The following SERGEF variants were observed in gnomAD, a reference collection of about 807,000 sequenced individuals.
The protein encoded by SERGEF is secretion regulating guanine nucleotide exchange factor.
SERGEF carries 51 observed loss-of-function variants against 50.0 expected under a neutral mutation model. The ratio of observed to expected loss-of-function variants is 1.02; its 90% confidence interval spans 0.81 to 1.29. The LOEUF (loss-of-function observed/expected upper bound fraction) is 1.29. Ranked by LOEUF, SERGEF falls within the 50% of genes most tolerant of loss-of-function variation. The pLI, the probability that SERGEF is intolerant of heterozygous loss-of-function variation, is 0.00. For missense variants in SERGEF, 521 were observed against 557.0 expected, an observed-to-expected ratio of 0.94 and a Z score of 0.65; for synonymous variants, 205 against 212.4, an observed-to-expected ratio of 0.97 and a Z score of 0.30.
intron 8 of SERGEF, among the ~76,000 whole-genome samples, chr11:17,972,328 C>T (rs1181811056): frequency 1.3e-5 from 2 of 152,186 alleles, no homozygotes; most frequent in Non-Finnish European, 2.9e-5. Flanking sequence ...ACTGATGTGG[C>T]AAATTTCACT....
chr11:17,837,326 C>T (rs1483514239), intron 10 of SERGEF, among the ~76,000 whole-genome samples: 1 of 151,816 alleles, frequency 6.6e-6, no homozygotes, highest in Non-Finnish European at 1.5e-5. Flanking sequence ...TCCCCTAAAC[C>T]TCATGTTGAA....
chr11:17,807,007 A>G (rs1371377445), intron 10 of SERGEF, among the ~76,000 whole-genome samples: 2 of 152,008 alleles, frequency 1.3e-5, no homozygotes, highest in African/African-American at 2.4e-5. Context: ...CTCTCCCCCA[A>G]CAGAAAAGCT....
rs111520247 is a variant in SERGEF at position 17,896,698 on chromosome 11, G to A, written c.1012-18454C>T. 1.5e-3 allele frequency among the ~76,000 whole-genome samples: 152 copies of A among 102,818 alleles called. 11 individuals are homozygous for A. In the East Asian group the frequency reaches 0.02, roughly 14 times the overall value. The allele number at this position is 102,818 out of a possible 152,430, so 67.5% of individuals were successfully genotyped here. The stretch of plus-strand genomic sequence containing the variant: ...AGGGAAGGGGAAGGGAAAGGGGAAG[G>A]GTAAGGGAAGGGTAAGGGAAGGGTA... On this transcript the variant is annotated intron_variant, in intron 9 of 10. Transcript: ENST00000265965.
intron 9 of SERGEF, among the ~76,000 whole-genome samples, chr11:17,916,646 G>A (rs1006378133): frequency 6.6e-6 from 1 of 152,170 alleles, no homozygotes; most frequent in Non-Finnish European, 1.5e-5. Context: ...ATATAAAGGT[G>A]TTAGCACAAT....
chr11:17,982,472 T>C (rs992789052), intron 8 of SERGEF, among the ~76,000 whole-genome samples: 2 of 152,210 alleles, frequency 1.3e-5, no homozygotes, highest in Non-Finnish European at 2.9e-5. Context: ...CTTTCACTCA[T>C]GGGGTTTTCA....
At chr11:17,912,276 A>C (rs1370635138) in intron 9 of SERGEF, among the ~76,000 whole-genome samples, 1 of 152,254 alleles carries the variant, frequency 6.6e-6, no homozygotes, top group Non-Finnish European at 1.5e-5. Flanking sequence ...AGAAAAGTCA[A>C]GGATAATGAT....
At chr11:17,996,147 T>G (rs1342771644) in intron 5 of SERGEF, among the ~76,000 whole-genome samples, 1 of 152,202 alleles carries the variant, frequency 6.6e-6, no homozygotes, top group East Asian at 1.9e-4. Context: ...CAATATCACA[T>G]AACTTCCTAC....
chr11:17,804,536 G>T (rs79018844), intron 10 of SERGEF, among the ~76,000 whole-genome samples: 1 of 149,576 alleles, frequency 6.7e-6, no homozygotes, highest in African/African-American at 2.5e-5. Flanking sequence ...CCTTCTTTAC[G>T]CCAAGTATTT....
chr11:17,982,242 T>C (rs919510638), intron 8 of SERGEF, among the ~76,000 whole-genome samples: 3 of 152,236 alleles, frequency 2.0e-5, no homozygotes, highest in African/African-American at 7.2e-5. Flanking sequence ...CTGAGAGTCA[T>C]GAGACTTGAT....
chr11:17,888,227 A>T lies in SERGEF; in HGVS notation c.1012-9983T>A, dbSNP rs1361549640. Among the ~76,000 whole-genome samples, 1 of 152,192 alleles carries T rather than the reference A, an allele frequency of 6.6e-6. No homozygotes were observed. The highest frequency in any genetic ancestry group is 2.1e-4 in the South Asian group (1 of 4,826). Reference sequence around the variant, plus strand: ...CTGCTGCTTTACAGCAGTGGGGGGAAATATTGATATTCACAACATAAGTAA... The same window carrying T: ...CTGCTGCTTTACAGCAGTGGGGGGATATATTGATATTCACAACATAAGTAA... On this transcript the variant is annotated intron_variant, in intron 9 of 10. Transcript: ENST00000265965. The surrounding 1 kb of genome is among the most constrained non-coding windows in gnomAD (Gnocchi z 4.1).
intron 10 of SERGEF, among the ~76,000 whole-genome samples, chr11:17,851,620 A>T (rs1850715806): frequency 6.6e-6 from 1 of 152,202 alleles, no homozygotes; most frequent in Non-Finnish European, 1.5e-5. Context: ...AGTCAGCCAT[A>T]CTAGAAACAT....
At chr11:17,972,625 T>A (rs1364915979) in intron 8 of SERGEF, among the ~76,000 whole-genome samples, 1 of 152,210 alleles carries the variant, frequency 6.6e-6, no homozygotes, top group East Asian at 1.9e-4. Flanking sequence ...AACAAAAAAA[T>A]TGTGTGACTC....
At chr11:17,843,855 G>A (rs568598207) in intron 10 of SERGEF, among the ~76,000 whole-genome samples, 7 of 152,270 alleles carry the variant, frequency 4.6e-5, no homozygotes, top group Admixed American at 3.3e-4. Context: ...GAGCAAGAGA[G>A]AAAGAAGGCA....
chr11:17,937,087 T>G (rs1852464672), intron 9 of SERGEF, among the ~76,000 whole-genome samples: 1 of 152,028 alleles, frequency 6.6e-6, no homozygotes, highest in Admixed American at 6.6e-5. Context: ...ACAATATTAT[T>G]TTTAAATGTT....
rs145617238 is a variant in SERGEF at position 17,871,631 on chromosome 11, G to A, written c.1048+6577C>T. Among the ~76,000 whole-genome samples the A allele has an allele frequency of 4.6e-3, 704 of 152,114 alleles. 24 individuals carry two copies. The highest frequency in any genetic ancestry group is 0.039 in the Admixed American group (598 of 15,270). ...CAATGGGCAAAGACTTAAAGTCTTC[G>A]GACTTAAGTCTTTGAATTTGACAAA... On this transcript the variant is annotated intron_variant, in intron 10 of 10. Coordinates refer to ENST00000265965, the MANE Select transcript of SERGEF (RefSeq NM_012139.4).
intron 8 of SERGEF, among the ~76,000 whole-genome samples, chr11:17,969,885 C>T (rs1461427741): frequency 6.6e-6 from 1 of 152,226 alleles, no homozygotes; most frequent in East Asian, 1.9e-4. Context: ...AATTCAGCCT[C>T]ATACACTATC....
intron 9 of SERGEF, among the ~76,000 whole-genome samples, chr11:17,902,450 A>G (rs187104505): frequency 6.9e-6 from 1 of 145,508 alleles, no homozygotes; most frequent in Non-Finnish European, 1.6e-5. Context: ...AGCATGTTCA[A>G]GAGAAAAAAT....
chr11:17,932,766 G>A (rs954840919), intron 9 of SERGEF, among the ~76,000 whole-genome samples: 5 of 152,090 alleles, frequency 3.3e-5, no homozygotes, highest in Non-Finnish European at 7.4e-5. Flanking sequence ...ATAGAGATGC[G>A]GAACAAATGG....
intron 8 of SERGEF, among the ~76,000 whole-genome samples, chr11:17,970,781 C>G (rs1853232177): frequency 1.3e-5 from 2 of 152,118 alleles, no homozygotes; most frequent in South Asian, 4.1e-4. Context: ...TTCTCTTAAG[C>G]CAAAGCCTAA....
Sources: allele counts gnomAD v4.1 joint callset (sites outside exome capture counted in the v4.1 genomes callset), GRCh38; gene constraint gnomAD v4.1.1; non-coding constraint Gnocchi (gnomAD v3.1); transcripts MANE v1.5; gene names NCBI Gene and HGNC (gene_info 2026-07-23, HGNC 2026-07-21).